The following BMPER variants were observed in gnomAD, a reference collection of about 807,000 sequenced individuals.
BMPER encodes the protein BMP binding endothelial regulator, also known as BMP-binding endothelial regulator protein.
Under a neutral mutation model 87.3 loss-of-function variants are expected in BMPER, and 45 were observed. The ratio of observed to expected loss-of-function variants is 0.52; its 90% CI spans 0.41 to 0.66. The LOEUF (loss-of-function observed/expected upper bound fraction) is 0.66. BMPER is among the 30% of genes least tolerant of loss of function. The pLI is 0.00. For synonymous variants in BMPER, 326 were observed against 316.2 expected, an observed-to-expected ratio of 1.03 and a Z score of -0.33; for missense variants, 784 against 867.5, an observed-to-expected ratio of 0.90 and a Z score of 1.21.
chr7:33,929,970 C>A (rs1419637110), intron 2 of BMPER, among the ~76,000 whole-genome samples: 1 of 152,162 alleles, frequency 6.6e-6, no homozygotes, highest in East Asian at 1.9e-4. Flanking sequence ...AAGGGATTTG[C>A]AAAAGCAGTG....
At position 34,153,517 on chromosome 7, in the gene BMPER, C is replaced by A. The variant is rs118064603; in HGVS notation, c.*244C>A. The A allele has an allele frequency of 3.7e-3, 1,733 of 474,528 alleles. 5 individuals carry two copies. The highest frequency in any genetic ancestry group is 4.8e-3 in the Non-Finnish European group (1,275 of 264,386). 29.4% of individuals were successfully genotyped at this position (474,528 alleles called of 1,614,324 possible). ...TGTTTCTAGGATCCTAACCTGTAAG[C>A]CATTGAACATGTTGTATAAATACAC... On this transcript the variant is annotated 3_prime_UTR_variant, in exon 15 of 15. Coordinates refer to ENST00000649409, the MANE Select transcript of BMPER (RefSeq NM_001365308.1).
chr7:34,084,054 A>G (rs1285582959), intron 12 of BMPER, among the ~76,000 whole-genome samples: 1 of 151,418 alleles, frequency 6.6e-6, no homozygotes, highest in African/African-American at 2.4e-5. Context: ...CTGTAATCCC[A>G]GTGTTTCGGG....
intron 2 of BMPER, among the ~76,000 whole-genome samples, chr7:33,911,526 T>C (rs1228998966): frequency 6.6e-6 from 1 of 152,206 alleles, no homozygotes; most frequent in African/African-American, 2.4e-5. Context: ...GTTTTGATCT[T>C]GCAACCCAAA....
rs756072277 is a variant in BMPER at position 33,996,298 on chromosome 7, G to T, written c.576+21514G>T. Among the ~76,000 whole-genome samples, 3 of 152,032 alleles carry T rather than the reference G, an allele frequency of 2.0e-5. No individual in the cohort carries two copies. The East Asian group carries it at 5.8e-4, about 29-fold the overall frequency. ...TAATACATGCTGTGCCTGCTAGCCA[G>T]CATCTACTAGGTGACTCCTTTTCCT... On this transcript the variant is annotated intron_variant, in intron 6 of 14. Transcript: ENST00000649409.
chr7:34,088,577 C>G (rs1418491038), intron 13 of BMPER, among the ~76,000 whole-genome samples: 2 of 152,168 alleles, frequency 1.3e-5, no homozygotes, highest in Non-Finnish European at 2.9e-5. Context: ...GGACTCCAGC[C>G]CAGCTCTGCC....
chr7:33,964,260 C>G (rs1365839677), intron 3 of BMPER, among the ~76,000 whole-genome samples: 3 of 152,020 alleles, frequency 2.0e-5, no homozygotes, highest in Non-Finnish European at 2.9e-5. Context: ...ACTGAAGTCT[C>G]CATAAGTAGT....
intron 6 of BMPER, among the ~76,000 whole-genome samples, chr7:34,037,835 G>A (rs771044734): frequency 7.2e-5 from 11 of 152,200 alleles, no homozygotes; most frequent in Non-Finnish European, 1.5e-4. Flanking sequence ...AGACATGGGT[G>A]CAGGAAGAAG....
At chr7:34,107,534 C>A (rs1464139046) in intron 13 of BMPER, among the ~76,000 whole-genome samples, 1 of 152,094 alleles carries the variant, frequency 6.6e-6, no homozygotes, top group African/African-American at 2.4e-5. Flanking sequence ...TCATTTGGAG[C>A]GTTATGTAAT....
intron 14 of BMPER, among the ~76,000 whole-genome samples, chr7:34,146,031 T>C (rs1313456442): frequency 6.6e-6 from 1 of 152,002 alleles, no homozygotes; most frequent in African/African-American, 2.4e-5. Flanking sequence ...ATTCTCTCTC[T>C]CTCACATATA....
intron 13 of BMPER, among the ~76,000 whole-genome samples, chr7:34,098,802 C>G (rs1789601967): frequency 6.6e-6 from 1 of 152,166 alleles, no homozygotes; most frequent in African/African-American, 2.4e-5. Context: ...CAGATACTGA[C>G]CCGTAGTTTT....
chr7:34,145,687 T>C (rs1562771844), intron 14 of BMPER, among the ~76,000 whole-genome samples: 1 of 152,218 alleles, frequency 6.6e-6, no homozygotes, highest in Admixed American at 6.5e-5. Flanking sequence ...CATCCTGGTA[T>C]AATGCAGGGC....
intron 14 of BMPER, among the ~76,000 whole-genome samples, chr7:34,143,934 A>G (rs900170472): frequency 2.0e-5 from 3 of 152,216 alleles, no homozygotes; most frequent in Non-Finnish European, 4.4e-5. Context: ...GACACTGGGT[A>G]CTTTCATGAG....
At chr7:34,029,973 A>G (rs1787479469) in intron 6 of BMPER, among the ~76,000 whole-genome samples, 1 of 152,146 alleles carries the variant, frequency 6.6e-6, no homozygotes. Flanking sequence ...GAAAAGGGTC[A>G]TGTTGAAACC....
At chr7:34,075,603 A>G (rs1278027333) in intron 11 of BMPER, among the ~76,000 whole-genome samples, 1 of 152,170 alleles carries the variant, frequency 6.6e-6, no homozygotes, top group East Asian at 1.9e-4. Flanking sequence ...TGACTTACGC[A>G]TATTCAAACA....
chr7:34,092,197 G>A (rs1789404537), intron 13 of BMPER, among the ~76,000 whole-genome samples: 2 of 152,054 alleles, frequency 1.3e-5, no homozygotes, highest in South Asian at 2.1e-4. Flanking sequence ...AGAGTCTTTG[G>A]TCCACCTTTG....
chr7:33,905,505 C>G (rs537668655), upstream of BMPER: 12 of 1,394,848 alleles, frequency 8.6e-6, no homozygotes, highest in African/African-American at 1.6e-4. Context: ...CCTTCGCGGA[C>G]GGTCTCCCGA....
chr7:34,121,315 A>G (rs987866905), intron 13 of BMPER, among the ~76,000 whole-genome samples: 1 of 152,226 alleles, frequency 6.6e-6, no homozygotes, highest in African/African-American at 2.4e-5. Flanking sequence ...GAAATACTTC[A>G]TTATGAACAA....
In BMPER at chr7:33,905,673, G is replaced by A. The variant is rs200969665; in HGVS notation, c.60G>A (p.Gly20=). The stretch of plus-strand genomic sequence containing the variant: ...AGCGTTACTGCCGCCGCTCGCCTGG[G>A]ATTACGTGCTGCGTCTTGCTGCTAC... ...LAERYCRRSP[G]ITCCVLLLLN... is the part of the protein sequence containing the mutation. The change falls in exon 1 of 15, where the codon GGG becomes GGA. Residue 20 remains glycine, a synonymous_variant. Transcript: ENST00000649409. 2 of 1,608,992 alleles carry A rather than the reference G, an allele frequency of 1.2e-6. No individual in the cohort carries two copies. Among genetic ancestry groups the A allele is most frequent in the African/African-American group, 1.3e-5 (1 of 74,764 alleles).
intron 6 of BMPER, among the ~76,000 whole-genome samples, chr7:34,031,927 T>TATATATATATATATATATAC (rs767536977): frequency 1.8e-5 from 1 of 55,474 alleles, no homozygotes; most frequent in East Asian, 6.4e-4. Context: ...TATATATATA[T>TATATATATATATATATATAC]ACACACACAC....
Sources: gnomAD v4.1 joint callset for allele counts (sites outside exome capture counted in the v4.1 genomes callset) on GRCh38, gnomAD v4.1.1 for gene constraint, MANE v1.5 for transcripts, NCBI Gene and HGNC (gene_info 2026-07-23, HGNC 2026-07-21) for gene names.